Variants in TLK2 observed in about 807,000 individuals in gnomAD.
TLK2 encodes the protein serine/threonine-protein kinase tousled-like 2.
A neutral mutation model predicts 117.3 loss-of-function variants in TLK2; 6 were observed. The observed-to-expected ratio is 0.05, with a 90% confidence interval of 0.03 to 0.10. The LOEUF is 0.10. Ranked by LOEUF, TLK2 falls within the 10% of genes least tolerant of loss-of-function variation. The pLI, the probability that TLK2 is intolerant of heterozygous loss-of-function variation, is 1.00. For missense variants in TLK2, 299 were observed against 901.2 expected (o/e 0.33, Z 8.56); for synonymous variants, 257 against 316.7 (o/e 0.81, Z 2.00).
intron 11 of TLK2, among the ~76,000 whole-genome samples, chr17:62,570,187 C>A (rs1598653485): frequency 6.6e-6 from 1 of 152,110 alleles, no homozygotes; most frequent in South Asian, 2.1e-4. Flanking sequence ...TCCTGAGGTA[C>A]TAACGACTTT....
chr17:62,476,065 C>A (rs1212214486), upstream of TLK2, among the ~76,000 whole-genome samples: 1 of 152,148 alleles, frequency 6.6e-6, no homozygotes, highest in Non-Finnish European at 1.5e-5. Context: ...GCAACCTCCG[C>A]CTCCTGGGTT....
At chr17:62,602,657 A>G (rs2082954976) in intron 19 of TLK2, among the ~76,000 whole-genome samples, 1 of 152,192 alleles carries the variant, frequency 6.6e-6, no homozygotes, top group Non-Finnish European at 1.5e-5. Context: ...AAATCTATAC[A>G]GGAAAAAGTG....
chr17:62,602,550 G>C (rs1336523093), intron 19 of TLK2, among the ~76,000 whole-genome samples: 1 of 152,156 alleles, frequency 6.6e-6, no homozygotes, highest in Non-Finnish European at 1.5e-5. Flanking sequence ...CTCTTCATGG[G>C]TTAATGGGAT....
chr17:62,533,112 A>G (rs1363549219), intron 6 of TLK2, among the ~76,000 whole-genome samples: 1 of 151,750 alleles, frequency 6.6e-6, no homozygotes, highest in Non-Finnish European at 1.5e-5. Context: ...CTTTTGAAAT[A>G]CTTGTGTGTT....
chr17:62,514,639 C>T (rs1201674873), intron 2 of TLK2, among the ~76,000 whole-genome samples: 8 of 147,916 alleles, frequency 5.4e-5, no homozygotes, highest in South Asian at 2.1e-4. Flanking sequence ...AGTGCAGTGG[C>T]GCGATCTTGG....
chr17:62,489,797 T>C (rs2072912223), intron 2 of TLK2, among the ~76,000 whole-genome samples: 1 of 152,232 alleles, frequency 6.6e-6, no homozygotes, highest in Non-Finnish European at 1.5e-5. Flanking sequence ...TAAAGTCCAT[T>C]GTTCACAGTT....
At chr17:62,550,459 G>A (rs917922364) in intron 7 of TLK2, 9 of 152,200 alleles carry the variant, frequency 5.9e-5, no homozygotes, top group African/African-American at 2.2e-4. Context: ...GTTTTGGATT[G>A]TAAGCTTCAT....
chr17:62,560,066 G>T lies in TLK2; in HGVS notation c.771G>T (p.Glu257Asp), dbSNP rs953874175. 26 of 1,611,960 alleles carry T rather than the reference G, an allele frequency of 1.6e-5. No individual in the cohort carries two copies. Among genetic ancestry groups the T allele is most frequent in the Non-Finnish European group, 2.1e-5 (25 of 1,179,044 alleles). ...TTGATGAACAGCAAAAGATGCTAGAGAAATACAAGGAACGATTAAATAGAT... is the reference window on the plus strand; with the variant it reads ...TTGATGAACAGCAAAAGATGCTAGATAAATACAAGGAACGATTAAATAGAT... ...RQIDEQQKML[E>D]KYKERLNRCV... is the part of the protein sequence containing the mutation. The change falls in exon 10 of 22, where the codon GAG (glutamate) becomes GAT (aspartate). Residue 257 changes from glutamate to aspartate, a missense_variant. Glu to Asp is a conservative substitution (Grantham distance 45, BLOSUM62 2). This residue lies in a region of TLK2 where 94 missense variants were observed against 282.6 expected (regional missense o/e 0.33). Coordinates refer to ENST00000346027, the MANE Select transcript of TLK2 (RefSeq NM_006852.6).
chr17:62,533,439 T>G (rs1231450440), intron 6 of TLK2, among the ~76,000 whole-genome samples: 1 of 143,414 alleles, frequency 7.0e-6, no homozygotes, highest in African/African-American at 2.6e-5. Context: ...AGGGTCTTGC[T>G]GTGTAGCCCA....
chr17:62,593,248 G>T (rs1412772407), intron 16 of TLK2, among the ~76,000 whole-genome samples: 1 of 152,190 alleles, frequency 6.6e-6, no homozygotes, highest in Non-Finnish European at 1.5e-5. Context: ...TTGCAAAACT[G>T]GAAGTTGTTC....
intron 7 of TLK2, among the ~76,000 whole-genome samples, chr17:62,544,515 T>C (rs1211239795): frequency 6.6e-6 from 1 of 152,018 alleles, no homozygotes; most frequent in African/African-American, 2.4e-5. Context: ...CCCTGACATA[T>C]GAGGAGTACA....
chr17:62,587,028 T>G (rs533604081), intron 16 of TLK2, among the ~76,000 whole-genome samples: 1 of 152,090 alleles, frequency 6.6e-6, no homozygotes, highest in Non-Finnish European at 1.5e-5. Flanking sequence ...AAGTTCTTGG[T>G]CTTCAGGGTC....
chr17:62,564,682 T>C (rs1334570621), intron 10 of TLK2, among the ~76,000 whole-genome samples: 1 of 151,630 alleles, frequency 6.6e-6, no homozygotes, highest in Non-Finnish European at 1.5e-5. Context: ...CACTCCAGTC[T>C]GGGTGATAGA....
In TLK2 at chr17:62,504,999, A is replaced by G. The variant is rs1477295578; in HGVS notation, c.82-15774A>G. 2.0e-5 allele frequency among the ~76,000 whole-genome samples: 3 copies of G among 151,968 alleles called. No individual in the cohort carries two copies. In the South Asian group the frequency reaches 6.2e-4, roughly 32 times the overall value. ...GCTGGGACTACAGGCGTGCGCCACC[A>G]TGCCTGGCTAATTTTGGAAGTCTTG... is the stretch of plus-strand genomic sequence containing the variant. On this transcript the variant is annotated intron_variant, in intron 2 of 21. Coordinates refer to ENST00000346027, the MANE Select transcript of TLK2 (RefSeq NM_006852.6).
intron 10 of TLK2, among the ~76,000 whole-genome samples, chr17:62,564,006 C>T (rs974785459): frequency 3.3e-5 from 5 of 152,114 alleles, no homozygotes; most frequent in Non-Finnish European, 7.4e-5. Context: ...GGTAACAGTT[C>T]TCTAGAAAAT....
intron 21 of TLK2, among the ~76,000 whole-genome samples, chr17:62,608,788 A>G (rs1437971176): frequency 6.6e-6 from 1 of 152,156 alleles, no homozygotes; most frequent in Non-Finnish European, 1.5e-5. Context: ...TCAACATTAT[A>G]GGGTTAAACG....
At chr17:62,528,034 C>T (rs1009101789) in intron 6 of TLK2, among the ~76,000 whole-genome samples, 1 of 152,186 alleles carries the variant, frequency 6.6e-6, no homozygotes, top group Non-Finnish European at 1.5e-5. Flanking sequence ...AGTCACCGTG[C>T]CCAGCCTAGA....
At position 62,615,379 on chromosome 17, in the gene TLK2, A is replaced by G. The variant is rs907081171; in HGVS notation, c.*2814A>G. 5.9e-5 allele frequency: 9 copies of G among 152,200 alleles called. No homozygotes were observed. The highest frequency in any genetic ancestry group is 1.3e-4 in the Non-Finnish European group (9 of 68,042). 9.4% of individuals were successfully genotyped at this position (152,200 alleles called of 1,614,324 possible). A position where few individuals can be genotyped will look rare whatever the true frequency, so the allele number is the denominator to read the frequency against. ...ATGTTGATTTACTTTACACAATGAC[A>G]GTATGTATTAATTTGTAATTAAACC... On this transcript the variant is annotated 3_prime_UTR_variant, in exon 22 of 22. Coordinates refer to ENST00000346027, the MANE Select transcript of TLK2 (RefSeq NM_006852.6).
At chr17:62,532,446 C>G (rs979235516) in intron 6 of TLK2, among the ~76,000 whole-genome samples, 1 of 152,166 alleles carries the variant, frequency 6.6e-6, no homozygotes, top group African/African-American at 2.4e-5. Flanking sequence ...TAAACTGTTA[C>G]ATTTGCTGGG....
Sources: allele counts gnomAD v4.1 joint callset (sites outside exome capture counted in the v4.1 genomes callset), GRCh38; gene constraint gnomAD v4.1.1; regional missense constraint gnomAD v4.1.1; transcripts MANE v1.5; gene names NCBI Gene and HGNC (gene_info 2026-07-23, HGNC 2026-07-21).